The following PCDH15 variants were observed in gnomAD, a reference collection of about 807,000 sequenced individuals.
PCDH15 encodes the protein protocadherin-15.
In PCDH15, 129 loss-of-function variants were observed where a neutral mutation model predicts 178.5. The observed-to-expected ratio is 0.72, with a 90% CI of 0.63 to 0.84. The LOEUF (loss-of-function observed/expected upper bound fraction) is 0.84. PCDH15 is among the 40% of genes least tolerant of loss of function. The pLI, the probability that PCDH15 is intolerant of heterozygous loss-of-function variation, is 0.00. For missense variants in PCDH15, 2,230 were observed against 2,099.9 expected, an observed-to-expected ratio of 1.06 and a Z score of -1.21; for synonymous variants, 800 against 732.0, an observed-to-expected ratio of 1.09 and a Z score of -1.50.
intron 15 of PCDH15, among the ~76,000 whole-genome samples, chr10:54,095,003 A>G (rs866316180): frequency 2.6e-5 from 4 of 152,224 alleles, no homozygotes; most frequent in African/African-American, 9.6e-5. Context: ...TTAAAGATGA[A>G]TACAGCCATC....
chr10:55,168,889 T>A (rs2132120991), intron 1 of PCDH15, among the ~76,000 whole-genome samples: 1 of 152,260 alleles, frequency 6.6e-6, no homozygotes, highest in East Asian at 1.9e-4. Context: ...ACTCTAGATT[T>A]GGGGAGTTAT....
intron 3 of PCDH15, among the ~76,000 whole-genome samples, chr10:54,818,786 A>G (rs1247890952): frequency 1.3e-5 from 2 of 152,018 alleles, no homozygotes; most frequent in African/African-American, 4.8e-5. Flanking sequence ...AGTCATGAAA[A>G]CACACAGAAT....
chr10:54,253,252 A>C (rs565839484), intron 8 of PCDH15, among the ~76,000 whole-genome samples: 2 of 152,110 alleles, frequency 1.3e-5, no homozygotes, highest in Non-Finnish European at 2.9e-5. Flanking sequence ...ATGTTGATTG[A>C]ACCTTCAATA....
chr10:54,925,690 A>G (rs1416410268), intron 2 of PCDH15, among the ~76,000 whole-genome samples: 2 of 151,944 alleles, frequency 1.3e-5, no homozygotes, highest in African/African-American at 4.8e-5. Flanking sequence ...TAGATATTTC[A>G]TTCTTTTTGT....
intron 2 of PCDH15, among the ~76,000 whole-genome samples, chr10:54,922,613 CA>C (rs1837523477): frequency 6.6e-5 from 10 of 151,934 alleles, no homozygotes; most frequent in Admixed American, 6.6e-4. Context: ...TGGAAGGGGC[CA>C]GGGGTGGAAT....
At chr10:53,993,137 G>C (rs982727794) in intron 21 of PCDH15, among the ~76,000 whole-genome samples, 3 of 152,208 alleles carry the variant, frequency 2.0e-5, no homozygotes, top group Non-Finnish European at 4.4e-5. Flanking sequence ...AGGGGCAGAA[G>C]CCTGGTTGAG....
chr10:54,866,841 C>CA, intron 3 of PCDH15, among the ~76,000 whole-genome samples: 1 of 152,158 alleles, frequency 6.6e-6, no homozygotes, highest in Middle Eastern at 3.4e-3. Context: ...TACTTACTGT[C>CA]AAATATTTAC....
intron 3 of PCDH15, among the ~76,000 whole-genome samples, chr10:54,843,276 G>GA (rs1205139973): frequency 6.6e-6 from 1 of 151,940 alleles, no homozygotes. Context: ...CTGCTCAAGG[G>GA]AGAGGGATTT....
chr10:55,072,782 A>G (rs1284627918), intron 2 of PCDH15, among the ~76,000 whole-genome samples: 4 of 151,990 alleles, frequency 2.6e-5, no homozygotes, highest in Non-Finnish European at 5.9e-5. Flanking sequence ...AAAGCCGGGC[A>G]GAGACACAAC....
chr10:53,826,648 T>C (rs1054210291), intron 32 of PCDH15, among the ~76,000 whole-genome samples: 4 of 152,118 alleles, frequency 2.6e-5, no homozygotes, highest in Non-Finnish European at 5.9e-5. Flanking sequence ...GGAATCCAAT[T>C]ATGAGGGTAG....
intron 3 of PCDH15, among the ~76,000 whole-genome samples, chr10:54,430,666 AT>A (rs1379499872): frequency 6.6e-6 from 1 of 152,098 alleles, no homozygotes; most frequent in Non-Finnish European, 1.5e-5. Flanking sequence ...AAAGAAGAAA[AT>A]TTCAAAATAA....
chr10:54,152,392 G>A (rs1478799333), intron 14 of PCDH15, among the ~76,000 whole-genome samples: 1 of 151,752 alleles, frequency 6.6e-6, no homozygotes, highest in Non-Finnish European at 1.5e-5. Context: ...TAAGGAATAT[G>A]TTTATCAATA....
At chr10:53,975,968 GT>G (rs2090149636) in intron 21 of PCDH15, among the ~76,000 whole-genome samples, 1 of 152,216 alleles carries the variant, frequency 6.6e-6, no homozygotes, top group Non-Finnish European at 1.5e-5. Context: ...GAAAGGCCTA[GT>G]TTCATTCTTC....
intron 3 of PCDH15, among the ~76,000 whole-genome samples, chr10:54,410,684 G>C (rs1453531046): frequency 6.6e-6 from 1 of 152,044 alleles, no homozygotes; most frequent in Non-Finnish European, 1.5e-5. Context: ...ATTTTCTGAG[G>C]AAAATGGAAA....
chr10:55,451,637 A>G (rs1346485245), intron 2 of PCDH15, among the ~76,000 whole-genome samples: 1 of 152,218 alleles, frequency 6.6e-6, no homozygotes, highest in African/African-American at 2.4e-5. Context: ...TTCATTCAGA[A>G]GCTCATGAAA....
chr10:54,683,180 G>C (rs570114500), intron 1 of PCDH15, among the ~76,000 whole-genome samples: 1 of 151,390 alleles, frequency 6.6e-6, no homozygotes, highest in Non-Finnish European at 1.5e-5. Flanking sequence ...ATTTTGTTGT[G>C]GTAAAATGTA....
At chr10:54,478,952 T>C (rs543407383) in intron 3 of PCDH15, among the ~76,000 whole-genome samples, 1 of 149,722 alleles carries the variant, frequency 6.7e-6, no homozygotes, top group East Asian at 2.0e-4. Context: ...TACTGGAATC[T>C]AGCCTCACAA....
intron 15 of PCDH15, among the ~76,000 whole-genome samples, chr10:54,096,083 A>T (rs182156960): frequency 8.5e-4 from 130 of 152,258 alleles, no homozygotes; most frequent in Non-Finnish European, 1.3e-3. Flanking sequence ...TCTTAAGCTT[A>T]AAAATTAAAT....
chr10:55,396,149 G>A (rs1837924179), intron 2 of PCDH15, among the ~76,000 whole-genome samples: 1 of 152,086 alleles, frequency 6.6e-6, no homozygotes, highest in African/African-American at 2.4e-5. Flanking sequence ...CTGAAAAGCT[G>A]TTTTCTTTCT....
Sources: allele counts gnomAD v4.1 joint callset (sites outside exome capture counted in the v4.1 genomes callset), GRCh38; gene constraint gnomAD v4.1.1; transcripts MANE v1.5; gene names NCBI Gene and HGNC (gene_info 2026-07-23, HGNC 2026-07-21).